KLHL32: variants seen among roughly 807,000 people sequenced by gnomAD.
The protein encoded by KLHL32 is kelch like family member 32.
Under a neutral mutation model 64.8 loss-of-function variants are expected in KLHL32, and 35 were observed. The observed-to-expected ratio is 0.54, with a 90% CI of 0.41 to 0.72. The LOEUF is 0.72. Ranked by LOEUF, KLHL32 falls within the 30% of genes least tolerant of loss-of-function variation. KLHL32 has a pLI of 0.00. For synonymous variants in KLHL32, 259 were observed against 281.0 expected (o/e 0.92, Z 0.78); for missense variants, 589 against 768.5 (o/e 0.77, Z 2.76).
chr6:96,904,472 A>G, the KLHL32 span, among the ~76,000 whole-genome samples: 1 of 152,234 alleles, frequency 6.6e-6, no homozygotes, highest in Non-Finnish European at 1.5e-5. Flanking sequence ...AAAACTTAGT[A>G]AACCACAAAA....
intron 3 of KLHL32, among the ~76,000 whole-genome samples, chr6:97,017,763 C>T (rs12201214): frequency 0.033 from 5,006 of 152,114 alleles, 114 homozygotes; most frequent in Middle Eastern, 0.082. Flanking sequence ...CTAGCCCTTG[C>T]CAGGAGGGTA....
chr6:97,038,271 A>G (rs1784587041), intron 3 of KLHL32, among the ~76,000 whole-genome samples: 1 of 152,142 alleles, frequency 6.6e-6, no homozygotes, highest in African/African-American at 2.4e-5. Context: ...GTAAACTACC[A>G]TCTGACAAGG....
intron 3 of KLHL32, among the ~76,000 whole-genome samples, chr6:97,038,030 T>C (rs1363582125): frequency 6.6e-6 from 1 of 152,142 alleles, no homozygotes; most frequent in Non-Finnish European, 1.5e-5. Context: ...TCCAAATGTA[T>C]TAAAGACTTA....
chr6:97,129,102 A>G (rs936339307), intron 8 of KLHL32, among the ~76,000 whole-genome samples: 2 of 152,244 alleles, frequency 1.3e-5, no homozygotes, highest in Admixed American at 6.5e-5. Context: ...AAATGGGGGA[A>G]CAGATAAATG....
At chr6:97,028,168 C>T (rs1357545920) in intron 3 of KLHL32, among the ~76,000 whole-genome samples, 2 of 151,890 alleles carry the variant, frequency 1.3e-5, no homozygotes, top group East Asian at 1.9e-4. Flanking sequence ...CTGGGGCTTT[C>T]GTTAAAACTC....
In KLHL32 at chr6:97,139,244, A is replaced by T; in HGVS notation, c.1825A>T (p.Thr609Ser). 6.2e-7 allele frequency: 1 copy of T among 1,613,820 alleles called. No homozygotes were observed. The highest frequency in any genetic ancestry group is 8.5e-7 in the Non-Finnish European group (1 of 1,179,902). Reference sequence around the variant, plus strand: ...ATATTTTACATGCCCTAACCTTCAAACTCTTCAAGTGCCTCATCACAGGAT... The same window carrying T: ...ATATTTTACATGCCCTAACCTTCAATCTCTTCAAGTGCCTCATCACAGGAT... The part of the protein sequence containing the change: ...APYFTCPNLQ[T>S]LQVPHHRIGT... The change falls in exon 11 of 11, where the codon ACT becomes TCT. Residue 609 changes from threonine to serine, a missense_variant. Physicochemically the swap from Thr to Ser is moderately conservative, Grantham distance 58. Coordinates refer to ENST00000369261, the MANE Select transcript of KLHL32 (RefSeq NM_052904.4).
Position 97,112,832 on chromosome 6 carries a change from AT to A in KLHL32, c.628-950del, listed in dbSNP as rs771072710. Among the ~76,000 whole-genome samples the A allele has an allele frequency of 7.3e-5, 11 of 149,742 alleles. No individual in the cohort carries two copies. In the South Asian group the frequency reaches 8.3e-4, roughly 11 times the overall value. ...TTATCATAAATAACAAAATGAAACAATATTCTTTATTATTTAATAATAAATA... is the reference window on the plus strand; with the variant it reads ...TTATCATAAATAACAAAATGAAACAAATTCTTTATTATTTAATAATAAATA... On this transcript the variant is annotated intron_variant, in intron 6 of 10. Transcript: ENST00000369261.
Position 97,114,418 on chromosome 6 carries a change from CAAG to C in KLHL32, c.1269_1271del (p.Lys423del). ...TGCCTACAGTTGAGCGATATTGCCC[CAAG>C]AAGAACAAATGGACTTTTGTTCAGT... On this transcript the variant is annotated inframe_deletion, in exon 7 of 11. Coordinates refer to ENST00000369261, the MANE Select transcript of KLHL32 (RefSeq NM_052904.4). The C allele has an allele frequency of 6.2e-7, 1 of 1,614,194 alleles. No homozygotes were observed. The highest frequency in any genetic ancestry group is 8.5e-7 in the Non-Finnish European group (1 of 1,180,048).
Position 96,939,480 on chromosome 6 carries a change from T to C in KLHL32, c.-66+14454T>C, listed in dbSNP as rs137958585. Among the ~76,000 whole-genome samples, 14 of 152,246 alleles carry C rather than the reference T, an allele frequency of 9.2e-5. No homozygotes were observed. In the East Asian group the frequency reaches 2.7e-3, roughly 29 times the overall value. On this transcript the variant is annotated intron_variant, in intron 1 of 10. Transcript: ENST00000369261. ...TGCTGAGGAGGAGAGGTTCATGGCA[T>C]TGTTAAAAGTATAAAGTGGGAAGCT...
At chr6:96,909,076 C>T in the KLHL32 span, among the ~76,000 whole-genome samples, 6 of 152,104 alleles carry the variant, frequency 3.9e-5, no homozygotes, top group Non-Finnish European at 7.4e-5. Context: ...TAAGATGCTA[C>T]CATTCAAGCA....
At chr6:96,977,709 T>G (rs908089051) in intron 3 of KLHL32, among the ~76,000 whole-genome samples, 7 of 152,214 alleles carry the variant, frequency 4.6e-5, no homozygotes, top group African/African-American at 7.2e-5. Flanking sequence ...TCAACTGCAC[T>G]TAATTGCCAA....
chr6:96,978,435 G>T (rs1775945203), intron 3 of KLHL32, among the ~76,000 whole-genome samples: 1 of 152,044 alleles, frequency 6.6e-6, no homozygotes, highest in Admixed American at 6.6e-5. Flanking sequence ...TAGAATAATG[G>T]CCTCCAGCTC....
chr6:96,952,148 C>T (rs535600539), intron 1 of KLHL32, among the ~76,000 whole-genome samples: 8 of 152,220 alleles, frequency 5.3e-5, no homozygotes, highest in Non-Finnish European at 7.4e-5. Context: ...GATGGGTTCC[C>T]GCCTTTTGCC....
At chr6:97,052,047 T>C (rs1442192739) in intron 4 of KLHL32, among the ~76,000 whole-genome samples, 1 of 152,210 alleles carries the variant, frequency 6.6e-6, no homozygotes, top group African/African-American at 2.4e-5. Context: ...ATGAAATTCC[T>C]AGACAATATA....
At chr6:97,079,415 G>A (rs748266807) in intron 5 of KLHL32, among the ~76,000 whole-genome samples, 6 of 152,110 alleles carry the variant, frequency 3.9e-5, no homozygotes, top group Non-Finnish European at 8.8e-5. Context: ...CTAACTGCTC[G>A]ATAATTGCCT....
In KLHL32 at chr6:96,975,991, T is replaced by C; in HGVS notation, c.24-6T>C. Reference sequence around the variant, plus strand: ...AAAATGTTGACTTGATTGCTCTCCTTTGTAGTATTCAAGAAATGCTGACAG... The same window carrying C: ...AAAATGTTGACTTGATTGCTCTCCTCTGTAGTATTCAAGAAATGCTGACAG... On this transcript the variant is annotated splice_region_variant and splice_polypyrimidine_tract_variant and intron_variant, in intron 2 of 10. Coordinates refer to ENST00000369261, the MANE Select transcript of KLHL32 (RefSeq NM_052904.4). 1.3e-6 allele frequency: 2 copies of C among 1,559,532 alleles called. No individual in the cohort carries two copies. Among genetic ancestry groups the C allele is most frequent in the South Asian group, 2.4e-5 (2 of 84,934 alleles).
At chr6:97,084,406 C>T (rs1793074267) in intron 5 of KLHL32, among the ~76,000 whole-genome samples, 1 of 152,132 alleles carries the variant, frequency 6.6e-6, no homozygotes. Context: ...GAGCTTGAGA[C>T]TGCAGGTAAA....
rs1800450217 is a variant in KLHL32 at position 97,139,464 on chromosome 6, GTA to G, written c.*184_*185del. ...TTGAAAACTCGTCACCCTTCTCAGT[GTA>G]TGTCAACATTCAATATGTATGACTT... is the stretch of plus-strand genomic sequence containing the variant. On this transcript the variant is annotated 3_prime_UTR_variant, in exon 11 of 11. Transcript: ENST00000369261. 6.6e-5 allele frequency: 38 copies of G among 576,678 alleles called. No homozygotes were observed. In the East Asian group the frequency reaches 1.1e-3, roughly 16 times the overall value. The allele number at this position is 576,678 out of a possible 1,614,324, so 35.7% of individuals were successfully genotyped here.
intron 3 of KLHL32, among the ~76,000 whole-genome samples, chr6:96,989,302 A>T (rs1777556300): frequency 6.6e-6 from 1 of 152,164 alleles, no homozygotes; most frequent in South Asian, 2.1e-4. Flanking sequence ...GTTGGTAATG[A>T]ATTCCCTTAG....
Sources: allele counts gnomAD v4.1 joint callset (sites outside exome capture counted in the v4.1 genomes callset), GRCh38; gene constraint gnomAD v4.1.1; transcripts MANE v1.5; gene names NCBI Gene and HGNC (gene_info 2026-07-23, HGNC 2026-07-21).